PSMD14: variants seen among roughly 807,000 people sequenced by gnomAD.
PSMD14 encodes ubiquitin C-terminal hydrolase PSMD14.
In PSMD14, 7 loss-of-function variants were observed where a neutral mutation model predicts 41.2. That is an observed-to-expected ratio of 0.17 (90% CI 0.10 to 0.32). The LOEUF (loss-of-function observed/expected upper bound fraction) is 0.32. Among genes scored for constraint, PSMD14 ranks in the 10% least tolerant of loss-of-function variants. The pLI is 1.00. For synonymous variants in PSMD14, 114 were observed against 122.3 expected, an observed-to-expected ratio of 0.93 and a Z score of 0.45; for missense variants, 139 against 375.6, an observed-to-expected ratio of 0.37 and a Z score of 5.21.
At chr2:161,323,000 A>G (rs1181931549) in intron 3 of PSMD14, among the ~76,000 whole-genome samples, 22 of 152,128 alleles carry the variant, frequency 1.4e-4, no homozygotes, top group Admixed American at 1.4e-3. Context: ...TCTGCCTACA[A>G]AGATGTTTAA....
intron 3 of PSMD14, among the ~76,000 whole-genome samples, chr2:161,358,191 C>T (rs1244889582): frequency 6.6e-6 from 1 of 152,030 alleles, no homozygotes; most frequent in Non-Finnish European, 1.5e-5. Flanking sequence ...ATAATAATTT[C>T]TCAATAAATA....
chr2:161,328,032 A>G (rs1682728503), intron 3 of PSMD14, among the ~76,000 whole-genome samples: 1 of 147,002 alleles, frequency 6.8e-6, no homozygotes, highest in South Asian at 2.2e-4. Flanking sequence ...TTTACCCGGC[A>G]AATAACAGAC....
intron 10 of PSMD14, among the ~76,000 whole-genome samples, chr2:161,406,347 C>T (rs1034976591): frequency 2.6e-5 from 4 of 152,108 alleles, no homozygotes; most frequent in African/African-American, 9.7e-5. Flanking sequence ...GTGTGAATAG[C>T]CACAAACATT....
chr2:161,398,029 A>G (rs1683825432), intron 10 of PSMD14, among the ~76,000 whole-genome samples: 1 of 152,202 alleles, frequency 6.6e-6, no homozygotes, highest in African/African-American at 2.4e-5. Flanking sequence ...TATTGGTACT[A>G]CTGCCAGGAA....
At chr2:161,397,351 G>C (rs952710574) in intron 10 of PSMD14, among the ~76,000 whole-genome samples, 1 of 152,152 alleles carries the variant, frequency 6.6e-6, no homozygotes, top group African/African-American at 2.4e-5. Context: ...GCATGGCACT[G>C]GTCGGATAGA....
chr2:161,370,809 G>A (rs1438289622), intron 6 of PSMD14, among the ~76,000 whole-genome samples: 1 of 152,084 alleles, frequency 6.6e-6, no homozygotes, highest in Non-Finnish European at 1.5e-5. Flanking sequence ...TGTTAAAAAT[G>A]TACTCTGTGC....
At chr2:161,408,696 A>G (rs1683986666) in intron 10 of PSMD14, 141 bp from the exon 11 acceptor site, 1 of 613,112 alleles carries the variant, frequency 1.6e-6, no homozygotes, top group Non-Finnish European at 2.8e-6. Context: ...GAAGTTTAGC[A>G]TAATTTTATT....
intron 1 of PSMD14, among the ~76,000 whole-genome samples, chr2:161,312,124 T>C (rs1425469770): frequency 6.6e-6 from 1 of 151,888 alleles, no homozygotes; most frequent in African/African-American, 2.4e-5. Context: ...TGAAAAGGAT[T>C]GAGCATCAGT....
chr2:161,381,856 G>C (rs1683574922), intron 7 of PSMD14: 1 of 151,820 alleles, frequency 6.6e-6, no homozygotes, highest in Non-Finnish European at 1.5e-5. Flanking sequence ...AAAACATGCA[G>C]TTTTTATTTT....
rs1683286722 is a variant in PSMD14 at position 161,361,332 on chromosome 2, G to A, written c.49-6146G>A. Among the ~76,000 whole-genome samples the A allele has an allele frequency of 2.0e-5, 3 of 152,100 alleles. No individual in the cohort carries two copies. The South Asian group carries it at 6.2e-4, about 32-fold the overall frequency. On this transcript the variant is annotated intron_variant, in intron 3 of 11. Coordinates refer to ENST00000409682, the MANE Select transcript of PSMD14 (RefSeq NM_005805.6). ...CTGCAACACTGTAATAGTTCATCTA[G>A]TCTCAAGATATAGATAACCTGAATT...
intron 1 of PSMD14, among the ~76,000 whole-genome samples, chr2:161,311,855 TC>T (rs1008261543): frequency 1.7e-4 from 26 of 152,062 alleles, no homozygotes; most frequent in African/African-American, 6.0e-4. Context: ...CCTCAGGTGA[TC>T]CAACCGCCTC....
At chr2:161,401,322 G>C (rs922742731) in intron 10 of PSMD14, among the ~76,000 whole-genome samples, 1 of 152,222 alleles carries the variant, frequency 6.6e-6, no homozygotes, top group Non-Finnish European at 1.5e-5. Context: ...AGTTTGAGGA[G>C]AGTCAAAGTG....
intron 8 of PSMD14, among the ~76,000 whole-genome samples, chr2:161,389,704 A>G (rs1329648139): frequency 6.6e-6 from 1 of 151,622 alleles, no homozygotes; most frequent in Non-Finnish European, 1.5e-5. Flanking sequence ...GCTTTGTTTC[A>G]TCCTGATCCT....
intron 10 of PSMD14, among the ~76,000 whole-genome samples, chr2:161,402,456 TAGAG>T (rs1438443567): frequency 1.3e-5 from 2 of 151,714 alleles, no homozygotes; most frequent in East Asian, 2.0e-4. Context: ...CTGGGCAACA[TAGAG>T]AGACCCTGTC....
intron 3 of PSMD14, among the ~76,000 whole-genome samples, chr2:161,320,861 G>A (rs911015638): frequency 6.6e-6 from 1 of 152,068 alleles, no homozygotes; most frequent in Non-Finnish European, 1.5e-5. Context: ...AAGTAGCTGG[G>A]ATTACAGGCG....
chr2:161,406,309 T>C (rs1683946916), intron 10 of PSMD14, among the ~76,000 whole-genome samples: 1 of 152,184 alleles, frequency 6.6e-6, no homozygotes, highest in Non-Finnish European at 1.5e-5. Context: ...TGGGGGTCTT[T>C]GTTGATAAAC....
chr2:161,380,305 TC>T (rs1253284491), intron 7 of PSMD14, among the ~76,000 whole-genome samples: 1 of 152,050 alleles, frequency 6.6e-6, no homozygotes, highest in Non-Finnish European at 1.5e-5. Context: ...TGAAAAGTTT[TC>T]TGTGAAACTT....
Position 161,339,498 on chromosome 2 carries a change from T to C in PSMD14, c.48+20625T>C, listed in dbSNP as rs1486701206. On this transcript the variant is annotated intron_variant, in intron 3 of 11. Transcript: ENST00000409682. ...TGGGTGGGTTATTTTGTTAATGAAT[T>C]TTTTTTTTTTTTTTTTTTTGAGATC... 4.7e-4 allele frequency among the ~76,000 whole-genome samples: 8 copies of C among 16,976 alleles called. No homozygotes were observed. The Admixed American group carries it at 8.5e-3, about 18-fold the overall frequency. 11.1% of individuals were successfully genotyped at this position (16,976 alleles called of 152,430 possible). A position where few individuals can be genotyped will look rare whatever the true frequency, so the allele number is the denominator to read the frequency against.
At chr2:161,397,313 T>C (rs1025559278) in intron 10 of PSMD14, among the ~76,000 whole-genome samples, 21 of 152,220 alleles carry the variant, frequency 1.4e-4, no homozygotes, top group African/African-American at 4.8e-4. Context: ...GCAGTGGGAA[T>C]GGAGGTACCA....
Sources: allele counts gnomAD v4.1 joint callset (sites outside exome capture counted in the v4.1 genomes callset), GRCh38; gene constraint gnomAD v4.1.1; transcripts MANE v1.5; gene names NCBI Gene and HGNC (gene_info 2026-07-23, HGNC 2026-07-21).